Variants in HIBADH observed in about 807,000 individuals in gnomAD.
The protein encoded by HIBADH is 3-hydroxyisobutyrate dehydrogenase.
In HIBADH, 25 loss-of-function variants were observed where a neutral mutation model predicts 36.1. That is an observed-to-expected ratio of 0.69 (90% CI 0.50 to 0.97). HIBADH has a LOEUF of 0.97. Among genes scored for constraint, HIBADH ranks in the 50% least tolerant of loss-of-function variants. The pLI is 0.00. For missense variants in HIBADH, 421 were observed against 418.0 expected, an observed-to-expected ratio of 1.01 and a Z score of -0.06; for synonymous variants, 160 against 149.5, an observed-to-expected ratio of 1.07 and a Z score of -0.51.
chr7:27,618,999 C>T (rs1194247656), intron 4 of HIBADH, among the ~76,000 whole-genome samples: 1 of 152,158 alleles, frequency 6.6e-6, no homozygotes, highest in Non-Finnish European at 1.5e-5. Flanking sequence ...CTGGGGATTA[C>T]ATATCAACAT....
rs1172904111 is a variant in HIBADH, at chr7:27,550,705, A to G, written c.485-7605T>C. On this transcript the variant is annotated intron_variant, in intron 4 of 7. Transcript: ENST00000265395. Reference sequence around the variant, plus strand: ...GTGATATCTCTAATAAAGCACTTACACTACTCTAATCAATGATTTTTCTGG... The same window carrying G: ...GTGATATCTCTAATAAAGCACTTACGCTACTCTAATCAATGATTTTTCTGG... Among the ~76,000 whole-genome samples, 3 of 152,212 alleles carry G rather than the reference A, an allele frequency of 2.0e-5. No individual in the cohort carries two copies. In the East Asian group the frequency reaches 5.8e-4, roughly 29 times the overall value.
intron 4 of HIBADH, among the ~76,000 whole-genome samples, chr7:27,551,102 T>C (rs746871591): frequency 2.0e-5 from 3 of 152,104 alleles, no homozygotes; most frequent in South Asian, 2.1e-4. Flanking sequence ...ACACAATATA[T>C]ACAATTTTTT....
intron 4 of HIBADH, among the ~76,000 whole-genome samples, chr7:27,560,225 G>A (rs1784445057): frequency 2.0e-5 from 3 of 152,178 alleles, no homozygotes; most frequent in African/African-American, 7.2e-5. Flanking sequence ...AGGTTCAAGC[G>A]ATTCTCCTGT....
rs80065955 is a variant in HIBADH, at chr7:27,613,661, T to TTTTG, written c.484+15706_484+15709dup. Among the ~76,000 whole-genome samples, 510 of 63,406 alleles carry TTTTG rather than the reference T, an allele frequency of 8.0e-3. 5 individuals are homozygous for TTTTG. In the East Asian group the frequency reaches 0.11, roughly 13 times the overall value. 41.6% of individuals were successfully genotyped at this position (63,406 alleles called of 152,430 possible). On this transcript the variant is annotated intron_variant, in intron 4 of 7. Coordinates refer to ENST00000265395, the MANE Select transcript of HIBADH (RefSeq NM_152740.4). The stretch of plus-strand genomic sequence containing the variant: ...GTTTTTTGTTGTTGTTGTGGGTTTT[T>TTTTG]TTTGTTTTTTTTTTTTGAGACAGGT...
intron 4 of HIBADH, among the ~76,000 whole-genome samples, chr7:27,550,864 TACTCATTAAG>T (rs1413387938): frequency 2.6e-5 from 4 of 152,344 alleles, no homozygotes; most frequent in South Asian, 2.1e-4. Context: ...TGACCAAGAA[TACTCATTAAG>T]ACTCATTAAG....
At chr7:27,601,041 C>A (rs1347165810) in intron 4 of HIBADH, among the ~76,000 whole-genome samples, 9 of 152,130 alleles carry the variant, frequency 5.9e-5, no homozygotes, top group Non-Finnish European at 1.5e-5. Context: ...CAGACAAACA[C>A]TGGCAAAGGA....
intron 4 of HIBADH, among the ~76,000 whole-genome samples, chr7:27,597,844 A>G (rs1052134955): frequency 1.3e-5 from 2 of 152,228 alleles, no homozygotes; most frequent in African/African-American, 4.8e-5. Flanking sequence ...CTGTATTAGT[A>G]TAAGAAAATA....
chr7:27,573,588 T>C (rs538659251), intron 4 of HIBADH, among the ~76,000 whole-genome samples: 31 of 152,322 alleles, frequency 2.0e-4, no homozygotes, highest in African/African-American at 7.2e-4. Flanking sequence ...AGAAAAATTC[T>C]GTAAATTTCC....
intron 4 of HIBADH, among the ~76,000 whole-genome samples, chr7:27,562,476 A>G (rs1784482373): frequency 6.6e-6 from 1 of 152,150 alleles, no homozygotes; most frequent in Non-Finnish European, 1.5e-5. Flanking sequence ...TTCTGTGTTT[A>G]CATTTCTTGT....
chr7:27,643,526 A>T (rs1423472621), intron 2 of HIBADH, among the ~76,000 whole-genome samples: 1 of 152,248 alleles, frequency 6.6e-6, no homozygotes, highest in Non-Finnish European at 1.5e-5. Context: ...ATACATGTGG[A>T]AACAAGCGTA....
intron 4 of HIBADH, among the ~76,000 whole-genome samples, chr7:27,584,559 T>C (rs1784831976): frequency 6.6e-6 from 1 of 152,096 alleles, no homozygotes; most frequent in South Asian, 2.1e-4. Flanking sequence ...TAAGATGTCT[T>C]GTTATTCTTT....
At chr7:27,616,356 G>A (rs1785427450) in intron 4 of HIBADH, among the ~76,000 whole-genome samples, 1 of 152,160 alleles carries the variant, frequency 6.6e-6, no homozygotes. Flanking sequence ...CATGAGGTCT[G>A]GAGGGCTCAT....
At chr7:27,550,245 T>C (rs1386764613) in intron 4 of HIBADH, among the ~76,000 whole-genome samples, 4 of 152,154 alleles carry the variant, frequency 2.6e-5, no homozygotes, top group Non-Finnish European at 4.4e-5. Context: ...CCTCCCATTT[T>C]TTCTCCATTA....
chr7:27,572,720 G>A (rs1467867818), intron 4 of HIBADH, among the ~76,000 whole-genome samples: 3 of 151,980 alleles, frequency 2.0e-5, no homozygotes, highest in Non-Finnish European at 2.9e-5. Context: ...TATTATCCAC[G>A]AATCAAGTAT....
In HIBADH at chr7:27,606,583, T is replaced by G. The variant is rs1785232919; in HGVS notation, c.484+22788A>C. On this transcript the variant is annotated intron_variant, in intron 4 of 7. Coordinates refer to ENST00000265395, the MANE Select transcript of HIBADH (RefSeq NM_152740.4). The stretch of plus-strand genomic sequence containing the variant: ...GCTGGAGAATTCCCAGCTTTTTCAT[T>G]TAATGGCTTTGGCCAAGAGTATTTA... Among the ~76,000 whole-genome samples, 4 of 152,240 alleles carry G rather than the reference T, an allele frequency of 2.6e-5. No homozygotes were observed. The South Asian group carries it at 8.3e-4, about 31-fold the overall frequency.
chr7:27,597,396 T>A (rs1030895252), intron 4 of HIBADH, among the ~76,000 whole-genome samples: 2 of 151,850 alleles, frequency 1.3e-5, no homozygotes, highest in African/African-American at 4.8e-5. Flanking sequence ...GGGAAAACGA[T>A]GATTATTATT....
intron 2 of HIBADH, 137 bp downstream of exon 2, chr7:27,649,336 A>T: frequency 1.7e-6 from 1 of 583,170 alleles, no homozygotes. Context: ...TGGATGAATG[A>T]TTACATATAT....
intron 4 of HIBADH, among the ~76,000 whole-genome samples, chr7:27,589,575 A>AC (rs1214580018): frequency 1.4e-4 from 21 of 152,322 alleles, no homozygotes; most frequent in African/African-American, 4.6e-4. Context: ...GTAGAAAGGC[A>AC]CAGAGATATT....
intron 4 of HIBADH, among the ~76,000 whole-genome samples, chr7:27,581,725 A>G (rs1784794479): frequency 6.6e-6 from 1 of 152,050 alleles, no homozygotes; most frequent in South Asian, 2.1e-4. Context: ...GGCCAAACTT[A>G]GTTTCTTTCA....
Sources: allele counts gnomAD v4.1 joint callset (sites outside exome capture counted in the v4.1 genomes callset), GRCh38; gene constraint gnomAD v4.1.1; transcripts MANE v1.5; gene names NCBI Gene and HGNC (gene_info 2026-07-23, HGNC 2026-07-21).